Variants in LOXHD1 observed in about 807,000 individuals in gnomAD.
The protein encoded by LOXHD1 is lipoxygenase homology PLAT domains 1.
A neutral mutation model predicts 248.2 loss-of-function variants in LOXHD1; 205 were observed. The ratio of observed to expected loss-of-function variants is 0.83; its 90% CI spans 0.74 to 0.93. The LOEUF (loss-of-function observed/expected upper bound fraction) is 0.93, where lower values mean the gene tolerates loss of function less well. Among genes scored for constraint, LOXHD1 ranks in the 40% least tolerant of loss-of-function variants. The pLI, the probability that LOXHD1 is intolerant of heterozygous loss-of-function variation, is 0.00. For missense variants in LOXHD1, 2,930 were observed against 2,971.6 expected, an observed-to-expected ratio of 0.99 and a Z score of 0.33; for synonymous variants, 1,113 against 1,162.8, an observed-to-expected ratio of 0.96 and a Z score of 0.87.
intron 21 of LOXHD1, among the ~76,000 whole-genome samples, chr18:46,549,936 G>C (rs1388947958): frequency 6.6e-6 from 1 of 152,092 alleles, no homozygotes; most frequent in Non-Finnish European, 1.5e-5. Context: ...GCTTTTTTTG[G>C]CATTTGCCTC....
intron 4 of LOXHD1, among the ~76,000 whole-genome samples, chr18:46,619,414 G>A (rs1301325857): frequency 6.6e-6 from 1 of 152,080 alleles, no homozygotes; most frequent in Non-Finnish European, 1.5e-5. Context: ...TGATTTTTGA[G>A]TTTTGTCATT....
intron 4 of LOXHD1, among the ~76,000 whole-genome samples, chr18:46,634,788 G>A (rs549969015): frequency 1.3e-5 from 2 of 152,270 alleles, no homozygotes; most frequent in South Asian, 4.1e-4. Context: ...GATCTCAGGG[G>A]TGGGGAACAA....
In LOXHD1 at chr18:46,477,848, T is replaced by C. The variant is rs1282775881; in HGVS notation, c.6446A>G (p.Gln2149Arg). ...KTTESFASKV[Q>R]SLVPVKYEVI... ...TTCGTACTTGACGGGCACCAGGCTC[T>C]GGACCTTGCTGGCAAAGCTCTCTGT... The change falls in exon 41 of 41, where the codon CAG becomes CGG. Residue 2149 changes from glutamine to arginine, a missense_variant. Coordinates refer to ENST00000642948, the MANE Select transcript of LOXHD1 (RefSeq NM_001384474.1). The C allele has an allele frequency of 3.2e-6, 5 of 1,551,724 alleles. No individual in the cohort carries two copies. The highest frequency in any genetic ancestry group is 4.4e-6 in the Non-Finnish European group (5 of 1,147,028).
chr18:46,586,078 G>A (rs901827763), intron 12 of LOXHD1, among the ~76,000 whole-genome samples: 3 of 152,136 alleles, frequency 2.0e-5, no homozygotes, highest in Admixed American at 6.6e-5. Flanking sequence ...TAAAAAGAAC[G>A]GAGTACTGAT....
At chr18:46,644,031 T>C (rs1342887721) in intron 2 of LOXHD1, among the ~76,000 whole-genome samples, 1 of 152,242 alleles carries the variant, frequency 6.6e-6, no homozygotes, top group Non-Finnish European at 1.5e-5. Context: ...TTATGAAGTG[T>C]TGGCTCCTTG....
At chr18:46,534,513 C>A in intron 26 of LOXHD1, 62 bp from the exon 27 acceptor site, 1 of 1,214,762 alleles carries the variant, frequency 8.2e-7, no homozygotes, top group Non-Finnish European at 1.2e-6. Context: ...ATGGCCTTGG[C>A]AACATCCTGC....
intron 37 of LOXHD1, among the ~76,000 whole-genome samples, chr18:46,491,532 A>G (rs148223379): frequency 2.2e-4 from 33 of 152,352 alleles, no homozygotes; most frequent in African/African-American, 6.5e-4. Flanking sequence ...ACAGAATCAC[A>G]GCAATAGGAA....
At chr18:46,505,230 G>A (rs2143872926) in intron 37 of LOXHD1, among the ~76,000 whole-genome samples, 1 of 150,868 alleles carries the variant, frequency 6.6e-6, no homozygotes, top group Admixed American at 6.6e-5. Context: ...CATCCAGGCT[G>A]GAATGCAGTG....
At chr18:46,526,131 A>T (rs2035818002) in intron 29 of LOXHD1, among the ~76,000 whole-genome samples, 2 of 152,208 alleles carry the variant, frequency 1.3e-5, no homozygotes, top group African/African-American at 2.4e-5. Flanking sequence ...TCACCAGAGT[A>T]AGAATGGGCC....
At chr18:46,545,875 C>T (rs1034136160) in intron 22 of LOXHD1, among the ~76,000 whole-genome samples, 9 of 151,818 alleles carry the variant, frequency 5.9e-5, no homozygotes, top group Middle Eastern at 3.4e-3. Context: ...GTGATCCGCC[C>T]GCCTCGGCCT....
At chr18:46,548,219 C>T (rs1308316019) in intron 21 of LOXHD1, among the ~76,000 whole-genome samples, 1 of 103,726 alleles carries the variant, frequency 9.6e-6, no homozygotes, top group African/African-American at 4.2e-5. Flanking sequence ...CAGCCTGTCT[C>T]TAAGTTGGGG....
intron 4 of LOXHD1, among the ~76,000 whole-genome samples, chr18:46,624,234 GCTCA>G (rs2038707894): frequency 6.6e-6 from 1 of 152,282 alleles, no homozygotes; most frequent in South Asian, 2.1e-4. Context: ...CCTCACTTCC[GCTCA>G]CTGAGAGCCA....
chr18:46,626,860 C>T (rs926019797), intron 4 of LOXHD1, among the ~76,000 whole-genome samples: 1 of 152,122 alleles, frequency 6.6e-6, no homozygotes, highest in East Asian at 1.9e-4. Flanking sequence ...CAATAAACCT[C>T]CCTTGCAGCG....
At chr18:46,596,604 AC>A (rs1267614710) in intron 8 of LOXHD1, among the ~76,000 whole-genome samples, 12 of 152,210 alleles carry the variant, frequency 7.9e-5, no homozygotes, top group African/African-American at 2.9e-4. Context: ...AGAGAAGCCT[AC>A]CTTTTTTGTC....
intron 10 of LOXHD1, among the ~76,000 whole-genome samples, chr18:46,592,826 A>C (rs1477689004): frequency 6.6e-6 from 1 of 152,182 alleles, no homozygotes; most frequent in Non-Finnish European, 1.5e-5. Flanking sequence ...AAACTGAACA[A>C]AAATAACGGC....
rs2037391465 is a variant in LOXHD1, at chr18:46,557,498, G to C, written c.3217-9C>G. 2 of 1,551,662 alleles carry C rather than the reference G, an allele frequency of 1.3e-6. No homozygotes were observed. Among genetic ancestry groups the C allele is most frequent in the Admixed American group, 3.9e-5 (2 of 50,982 alleles). ...ATGGTGAAGGTGTCTGTCTGGGAAG[G>C]GCCAGGGAACACTCAGTGGGGTAAG... On this transcript the variant is annotated splice_polypyrimidine_tract_variant and intron_variant, in intron 20 of 40. Transcript: ENST00000642948.
chr18:46,538,479 C>T, intron 25 of LOXHD1, 142 bp from the exon 26 acceptor site: 1 of 844,108 alleles, frequency 1.2e-6, no homozygotes, highest in Admixed American at 2.3e-5. Flanking sequence ...TGCTCAGGGA[C>T]CTGGACCTTC....
rs754046200 is a variant in LOXHD1 at position 46,550,579 on chromosome 18, C to CAAAAAA, written c.3351-3527_3351-3522dup. Reference sequence around the variant, plus strand: ...TGGGCGACAGAGCGAGACTCCGTCTCAAAAAAAAAAAAAAAAAAAAAAGAG... The same window carrying CAAAAAA: ...TGGGCGACAGAGCGAGACTCCGTCTCAAAAAAAAAAAAAAAAAAAAAAAAAAAAGAG... On this transcript the variant is annotated intron_variant, in intron 21 of 40. Coordinates refer to ENST00000642948, the MANE Select transcript of LOXHD1 (RefSeq NM_001384474.1). Among the ~76,000 whole-genome samples, 192 of 45,460 alleles carry CAAAAAA rather than the reference C, an allele frequency of 4.2e-3. 27 individuals carry two copies. Among genetic ancestry groups the CAAAAAA allele is most frequent in the East Asian group, 0.012 (17 of 1,436 alleles). The allele number at this position is 45,460 out of a possible 152,430, so 29.8% of individuals were successfully genotyped here. A position where few individuals can be genotyped will look rare whatever the true frequency, so the allele number is the denominator to read the frequency against.
At chr18:46,655,125 A>C (rs1219878902) in intron 1 of LOXHD1, among the ~76,000 whole-genome samples, 1 of 152,228 alleles carries the variant, frequency 6.6e-6, no homozygotes, top group East Asian at 1.9e-4. Flanking sequence ...TGCATGGTGC[A>C]TGATCCTATT....
Sources: allele counts gnomAD v4.1 joint callset (sites outside exome capture counted in the v4.1 genomes callset), GRCh38; gene constraint gnomAD v4.1.1; transcripts MANE v1.5; gene names NCBI Gene and HGNC (gene_info 2026-07-23, HGNC 2026-07-21).